Variants in RNF17 observed in about 807,000 individuals in gnomAD.
The protein encoded by RNF17 is ring finger protein 17, also known as spermatogenesis associated 23.
RNF17 carries 31 observed loss-of-function variants against 200.5 expected under a neutral mutation model. That is an observed-to-expected ratio of 0.15 (90% confidence interval 0.12 to 0.21). The LOEUF (loss-of-function observed/expected upper bound fraction) is 0.21, where lower values mean the gene tolerates loss of function less well. Among genes scored for constraint, RNF17 ranks in the 10% least tolerant of loss-of-function variants. The probability of loss-of-function intolerance (pLI) is 1.00; values close to 1 mark genes in which losing one functional copy is unlikely to be tolerated. For synonymous variants in RNF17, 606 were observed against 637.8 expected (o/e 0.95, Z 0.75); for missense variants, 1,628 against 1,905.1 (o/e 0.85, Z 2.71).
chr13:24,830,933 A>G (rs770528461), intron 17 of RNF17, among the ~76,000 whole-genome samples: 5 of 152,240 alleles, frequency 3.3e-5, no homozygotes, highest in Non-Finnish European at 5.9e-5. Flanking sequence ...TACTGTGATC[A>G]TATTTATACT....
chr13:24,818,608 A>G (rs1887677855), intron 15 of RNF17, among the ~76,000 whole-genome samples: 1 of 152,112 alleles, frequency 6.6e-6, no homozygotes. Context: ...TTACTGGTGA[A>G]TTGGCCTTTT....
intron 5 of RNF17, 130 bp from the exon 6 acceptor site, chr13:24,781,714 T>C: frequency 3.3e-6 from 2 of 612,458 alleles, no homozygotes; most frequent in Non-Finnish European, 5.6e-6. Flanking sequence ...ATTCTATTTA[T>C]ATTATTATCT....
At chr13:24,858,575 G>GATATATATATATATATATATATATATAT (rs397770900) in intron 25 of RNF17, among the ~76,000 whole-genome samples, 66 of 143,220 alleles carry the variant, frequency 4.6e-4, no homozygotes, top group Middle Eastern at 3.7e-3. Context: ...ATCAGTTATG[G>GATATATATATATATATATATATATATAT]ATATATATAT....
intron 26 of RNF17, 83 bp from the exon 27 acceptor site, chr13:24,861,185 T>C (rs1893063740): frequency 4.8e-6 from 6 of 1,245,114 alleles, no homozygotes; most frequent in Non-Finnish European, 6.7e-6. Context: ...GGCCTGTCTT[T>C]TTTTCTAATA....
the RNF17 span, among the ~76,000 whole-genome samples, chr13:24,887,569 C>T: frequency 1.3e-5 from 2 of 152,182 alleles, no homozygotes; most frequent in African/African-American, 4.8e-5. Flanking sequence ...TCTCCCATCA[C>T]CCCCAGATGG....
chr13:24,852,685 G>C (rs1026402552), intron 24 of RNF17, among the ~76,000 whole-genome samples: 20 of 152,300 alleles, frequency 1.3e-4, no homozygotes, highest in African/African-American at 4.8e-4. Flanking sequence ...TTGGCATACA[G>C]CTAATTGCTT....
rs1159959972 is a variant in RNF17 at position 24,860,188 on chromosome 13, C to T, written c.3774+1024C>T. Reference sequence around the variant, plus strand: ...TCGAGTTGCTCAGATAACCCCTGACCTTTTTTTCTTTACAAAGGTAAAATG... The same window carrying T: ...TCGAGTTGCTCAGATAACCCCTGACTTTTTTTTCTTTACAAAGGTAAAATG... On this transcript the variant is annotated intron_variant, in intron 26 of 35. Transcript: ENST00000255324. 1.3e-5 allele frequency among the ~76,000 whole-genome samples: 2 copies of T among 151,546 alleles called. 1 individual carries two copies. The highest frequency in any genetic ancestry group is 2.9e-5 in the Non-Finnish European group (2 of 67,826).
At chr13:24,879,417 C>T (rs1423945168) in intron 35 of RNF17, 122 bp downstream of exon 35, 9 of 647,062 alleles carry the variant, frequency 1.4e-5, no homozygotes, top group East Asian at 8.2e-5. Context: ...AACGCTCCAC[C>T]AGATTTCTTC....
intron 18 of RNF17, among the ~76,000 whole-genome samples, chr13:24,839,151 A>T (rs928296912): frequency 1.9e-4 from 29 of 152,120 alleles, no homozygotes; most frequent in African/African-American, 6.8e-4. Flanking sequence ...ACTACAAAAC[A>T]CTGCTGAAAG....
downstream of RNF17, among the ~76,000 whole-genome samples, chr13:24,880,385 C>T (rs950894509): frequency 4.6e-5 from 7 of 152,136 alleles, no homozygotes; most frequent in African/African-American, 1.2e-4. Context: ...GATTACAATT[C>T]GAGATTTTGG....
chr13:24,795,262 T>C (rs997038735), intron 10 of RNF17, among the ~76,000 whole-genome samples: 1 of 152,054 alleles, frequency 6.6e-6, no homozygotes, highest in Non-Finnish European at 1.5e-5. Flanking sequence ...ATTAAATATA[T>C]ATTAAAATAT....
At chr13:24,757,326 T>G in the RNF17 span, among the ~76,000 whole-genome samples, 1 of 151,802 alleles carries the variant, frequency 6.6e-6, no homozygotes, top group African/African-American at 2.4e-5. Context: ...ATATTCTTTT[T>G]TTTTTTTTTT....
chr13:24,864,970 C>T lies in RNF17; in HGVS notation c.4073C>T (p.Ser1358Phe). 1 of 1,560,472 alleles carries T rather than the reference C, an allele frequency of 6.4e-7. No individual in the cohort carries two copies. The highest frequency in any genetic ancestry group is 2.3e-5 in the East Asian group (1 of 43,818). ...YFMAYYKYCT[S>F]EHTEEMLKEK... ...ATGGCATACTATAAATACTGTACTT[C>T]TGAACATACTGAGGAGATGTTGAAA... Residue 1358 changes from serine to phenylalanine, a missense_variant, in exon 29 of 36, where the codon TCT becomes TTT. Ser to Phe is a radical substitution (Grantham distance 155, BLOSUM62 -2). Transcript: ENST00000255324.
At chr13:24,887,870 G>A in the RNF17 span, among the ~76,000 whole-genome samples, 3 of 152,152 alleles carry the variant, frequency 2.0e-5, no homozygotes, top group Non-Finnish European at 4.4e-5. Flanking sequence ...CTTGCTCAGT[G>A]CAGAGTTGCT....
chr13:24,831,617 G>T (rs2138028808), intron 17 of RNF17, among the ~76,000 whole-genome samples: 2 of 152,286 alleles, frequency 1.3e-5, no homozygotes, highest in East Asian at 3.9e-4. Flanking sequence ...TGTCTGTAAT[G>T]AATGCTTGTT....
At chr13:24,748,738 T>G in the RNF17 span, among the ~76,000 whole-genome samples, 5 of 133,822 alleles carry the variant, frequency 3.7e-5, no homozygotes, top group Admixed American at 1.5e-4. Flanking sequence ...TTGGTGGTGG[T>G]TTTTTTTGTT....
At chr13:24,830,390 A>T in intron 16 of RNF17, 94 bp from the exon 17 acceptor site, 1 of 700,218 alleles carries the variant, frequency 1.4e-6, no homozygotes, top group South Asian at 1.9e-5. Context: ...TTGAAGCTAA[A>T]AGTATTCTAA....
chr13:24,790,223 C>G (rs17081170), intron 9 of RNF17, among the ~76,000 whole-genome samples: 22,111 of 151,930 alleles, frequency 0.15, 1,644 homozygotes, highest in African/African-American at 0.16. Flanking sequence ...AATTAAGTAG[C>G]AAGTAGAAAG....
At chr13:24,846,812 T>C (rs1891304264) in intron 22 of RNF17, among the ~76,000 whole-genome samples, 2 of 152,208 alleles carry the variant, frequency 1.3e-5, no homozygotes, top group Non-Finnish European at 2.9e-5. Context: ...TTGTTTTAGA[T>C]TGTCTCAAAT....
Sources: gnomAD v4.1 joint callset for allele counts (sites outside exome capture counted in the v4.1 genomes callset) on GRCh38, gnomAD v4.1.1 for gene constraint, MANE v1.5 for transcripts, NCBI Gene and HGNC (gene_info 2026-07-23, HGNC 2026-07-21) for gene names.